AVL9: variants seen among roughly 807,000 people sequenced by gnomAD.
AVL9 encodes the protein AVL9 cell migration associated.
A neutral mutation model predicts 79.2 loss-of-function variants in AVL9; 49 were observed. The observed-to-expected ratio is 0.62, with a 90% CI of 0.49 to 0.79. The LOEUF is 0.79. AVL9 is among the 30% of genes least tolerant of loss of function. The pLI, the probability that AVL9 is intolerant of heterozygous loss-of-function variation, is 0.00. For synonymous variants in AVL9, 299 were observed against 280.6 expected (o/e 1.07, Z -0.65); for missense variants, 682 against 776.8 (o/e 0.88, Z 1.45).
intron 9 of AVL9, 135 bp from the exon 10 acceptor site, chr7:32,558,794 T>G (rs1790196945): frequency 1.9e-6 from 2 of 1,043,026 alleles, no homozygotes; most frequent in African/African-American, 1.6e-5. Flanking sequence ...GGCTTCTTTC[T>G]GTTCTTTTTG....
intron 1 of AVL9, among the ~76,000 whole-genome samples, chr7:32,524,017 G>A (rs1344207289): frequency 1.3e-5 from 2 of 151,722 alleles, no homozygotes; most frequent in African/African-American, 4.8e-5. Context: ...ACAGGCGTGA[G>A]CCCCTGCACC....
At chr7:32,523,602 G>A (rs574964578) in intron 1 of AVL9, among the ~76,000 whole-genome samples, 9 of 131,326 alleles carry the variant, frequency 6.9e-5, no homozygotes, top group Admixed American at 2.8e-4. Context: ...TGCAGCCTCC[G>A]CCTTCTGGGT....
intron 12 of AVL9, among the ~76,000 whole-genome samples, chr7:32,573,636 C>T (rs78517059): frequency 0.03 from 4,521 of 152,114 alleles, 209 homozygotes; most frequent in African/African-American, 0.1. Flanking sequence ...TTTTATGGTA[C>T]TTTTGGTGGT....
intron 1 of AVL9, chr7:32,538,156 T>A (rs1184606708): frequency 1.3e-5 from 2 of 152,206 alleles, no homozygotes; most frequent in African/African-American, 4.8e-5. Flanking sequence ...GAGAATATGT[T>A]AAGCATAGCA....
chr7:32,510,271 G>C (rs1787603456), intron 1 of AVL9, among the ~76,000 whole-genome samples: 1 of 151,772 alleles, frequency 6.6e-6, no homozygotes. Context: ...CCCAGTAGGA[G>C]GAAAGCCATC....
intron 1 of AVL9, among the ~76,000 whole-genome samples, chr7:32,499,851 G>T (rs544592326): frequency 6.6e-6 from 1 of 152,258 alleles, no homozygotes; most frequent in African/African-American, 2.4e-5. Context: ...GTGGTGTTTG[G>T]TTTTGTGTTC....
intron 1 of AVL9, among the ~76,000 whole-genome samples, chr7:32,497,343 G>A (rs13240797): frequency 0.36 from 53,825 of 151,546 alleles, 9,870 homozygotes; most frequent in East Asian, 0.48. Context: ...CAACAAGAGC[G>A]AAAAAAAAAG....
intron 1 of AVL9, among the ~76,000 whole-genome samples, chr7:32,513,437 CG>C (rs1383647311): frequency 6.6e-6 from 1 of 152,194 alleles, no homozygotes; most frequent in Non-Finnish European, 1.5e-5. Context: ...ATAAAACCTC[CG>C]CAACCCCTTG....
chr7:32,504,881 TTTA>T (rs1421332848), intron 1 of AVL9, among the ~76,000 whole-genome samples: 15 of 147,280 alleles, frequency 1.0e-4, no homozygotes, highest in Admixed American at 9.4e-4. Context: ...TTTTATTTTA[TTTA>T]TTTTTTTGAG....
intron 1 of AVL9, among the ~76,000 whole-genome samples, chr7:32,526,233 A>G (rs1465428100): frequency 6.6e-6 from 1 of 152,148 alleles, no homozygotes; most frequent in African/African-American, 2.4e-5. Context: ...AAGGATAAGG[A>G]TAAGGATGAA....
At chr7:32,578,779 C>T (rs1461756467) in intron 13 of AVL9, among the ~76,000 whole-genome samples, 2 of 152,110 alleles carry the variant, frequency 1.3e-5, no homozygotes, top group Non-Finnish European at 2.9e-5. Context: ...TGCACTCCAG[C>T]CTGGGTAACA....
chr7:32,580,127 C>A, intron 13 of AVL9, 92 bp from the exon 14 acceptor site: 1 of 1,004,670 alleles, frequency 1.0e-6, no homozygotes, highest in Non-Finnish European at 1.5e-6. Flanking sequence ...CTGTGTTGTC[C>A]ATGAGAAGTT....
chr7:32,541,735 A>G (rs1299386965), intron 1 of AVL9, among the ~76,000 whole-genome samples: 2 of 148,402 alleles, frequency 1.3e-5, no homozygotes, highest in African/African-American at 5.0e-5. Context: ...TTTTTTTGAG[A>G]CAGAGTCTCA....
chr7:32,527,470 T>A (rs944322990), intron 1 of AVL9, among the ~76,000 whole-genome samples: 1 of 152,210 alleles, frequency 6.6e-6, no homozygotes, highest in African/African-American at 2.4e-5. Flanking sequence ...CTACAGTAGC[T>A]CAGTGCATAC....
chr7:32,580,207 C>CT lies in AVL9; in HGVS notation c.1689-5dup, dbSNP rs761891728. The CT allele has an allele frequency of 5.7e-5, 92 of 1,607,858 alleles. No homozygotes were observed. The highest frequency in any genetic ancestry group is 2.9e-4 in the Admixed American group (17 of 58,990). ...AAAATACTGATAGTTTAAACTCAAA[C>CT]TTTTTTTACAGCCATCCATTTCAAG... is the stretch of plus-strand genomic sequence containing the variant. On this transcript the variant is annotated splice_polypyrimidine_tract_variant and intron_variant, in intron 13 of 15. Transcript: ENST00000318709.
chr7:32,584,778 G>GC lies in AVL9; in HGVS notation c.*871_*872insC, dbSNP rs1224693257. ...CATCTGTTTCTCTTTTTTTTTTTGG[G>GC]GGGGGGGGGGGGGCGGGGTCTCACT... On this transcript the variant is annotated 3_prime_UTR_variant, in exon 16 of 16. Coordinates refer to ENST00000318709, the MANE Select transcript of AVL9 (RefSeq NM_015060.3). 6.7e-5 allele frequency: 1 copy of GC among 14,914 alleles called. No homozygotes were observed. The highest frequency in any genetic ancestry group is 2.0e-4 in the Non-Finnish European group (1 of 5,112). The allele number at this position is 14,914 out of a possible 1,614,324, so 0.9% of individuals were successfully genotyped here.
chr7:32,569,999 T>G (rs960500731), intron 10 of AVL9, 21 bp from the exon 11 acceptor site: 1 of 1,613,170 alleles, frequency 6.2e-7, no homozygotes, highest in African/African-American at 1.3e-5. Context: ...TGATATTTTC[T>G]ATTACTCTTC....
At chr7:32,541,527 C>G (rs787220) in intron 1 of AVL9, among the ~76,000 whole-genome samples, 22,730 of 151,854 alleles carry the variant, frequency 0.15, 1,722 homozygotes, top group East Asian at 0.19. Context: ...TTTTTTAACT[C>G]TAAAATTGCC....
In AVL9 at chr7:32,579,465, TA is replaced by T. The variant is rs374108720; in HGVS notation, c.1689-752del. Among the ~76,000 whole-genome samples, 19 of 6,782 alleles carry T rather than the reference TA, an allele frequency of 2.8e-3. 3 individuals are homozygous for T. Among genetic ancestry groups the T allele is most frequent in the African/African-American group, 0.012 (19 of 1,540 alleles). 4.4% of individuals were successfully genotyped at this position (6,782 alleles called of 152,430 possible). A position where few individuals can be genotyped will look rare whatever the true frequency, so the allele number is the denominator to read the frequency against. ...TATATAATATATTATATATTATATATAATATATTATATTATATATAATATAT... is the reference window on the plus strand; with the variant it reads ...TATATAATATATTATATATTATATATATATATTATATTATATATAATATAT... On this transcript the variant is annotated intron_variant, in intron 13 of 15. Transcript: ENST00000318709.
Sources: allele counts gnomAD v4.1 joint callset (sites outside exome capture counted in the v4.1 genomes callset), GRCh38; gene constraint gnomAD v4.1.1; transcripts MANE v1.5; gene names NCBI Gene and HGNC (gene_info 2026-07-23, HGNC 2026-07-21).